Variants in PLCL2 observed in about 807,000 individuals in gnomAD.
The protein encoded by PLCL2 is phospholipase C like 2, also known as inactive phospholipase C-like protein 2.
A neutral mutation model predicts 79.6 loss-of-function variants in PLCL2; 4 were observed. The observed-to-expected ratio is 0.05, with a 90% CI of 0.02 to 0.11. PLCL2 has a LOEUF of 0.11. PLCL2 is among the 10% of genes least tolerant of loss of function. The probability of loss-of-function intolerance (pLI) is 1.00; values close to 1 mark genes in which losing one functional copy is unlikely to be tolerated. For missense variants in PLCL2, 895 were observed against 1,291.0 expected (o/e 0.69, Z 4.70); for synonymous variants, 484 against 457.7 (o/e 1.06, Z -0.73).
At chr3:17,086,604 C>T (rs963173860) in intron 5 of PLCL2, among the ~76,000 whole-genome samples, 2 of 152,182 alleles carry the variant, frequency 1.3e-5, no homozygotes, top group African/African-American at 4.8e-5. Context: ...AAATTTAAAA[C>T]TTCTGCTCTA....
chr3:17,073,889 C>T (rs576746567), intron 5 of PLCL2, among the ~76,000 whole-genome samples: 241 of 152,320 alleles, frequency 1.6e-3, no homozygotes, highest in Non-Finnish European at 2.7e-3. Flanking sequence ...TTCATTCCAT[C>T]TGCATTTACT....
chr3:17,022,730 G>A (rs1034617241), intron 3 of PLCL2, among the ~76,000 whole-genome samples: 1 of 152,126 alleles, frequency 6.6e-6, no homozygotes, highest in African/African-American at 2.4e-5. Flanking sequence ...TCTCATTTCT[G>A]TGGCCCTAAT....
intron 1 of PLCL2, among the ~76,000 whole-genome samples, chr3:16,907,235 A>C (rs1462281554): frequency 6.6e-6 from 1 of 152,186 alleles, no homozygotes; most frequent in Non-Finnish European, 1.5e-5. Context: ...TTTTCATGAT[A>C]GTCTAAAAAA....
At chr3:16,952,950 C>T (rs976977201) in intron 1 of PLCL2, among the ~76,000 whole-genome samples, 1 of 151,980 alleles carries the variant, frequency 6.6e-6, no homozygotes, top group African/African-American at 2.4e-5. Context: ...ATGAATTAAT[C>T]AGAAGTTCCT....
At position 17,015,060 on chromosome 3, in the gene PLCL2, G is replaced by A. The variant is rs1231216651; in HGVS notation, c.3018+149G>A. On this transcript the variant is annotated intron_variant, in intron 3 of 5. Coordinates refer to ENST00000615277, the MANE Select transcript of PLCL2 (RefSeq NM_001144382.2). ...CTGGAGAAGTAATTCCCCTGACCTT[G>A]CTGTATTTGAAAGAGATTAGTGTTT... The A allele has an allele frequency of 4.7e-6, 3 of 643,304 alleles. No individual in the cohort carries two copies. The African/African-American group carries it at 5.5e-5, about 12-fold the overall frequency. The allele number at this position is 643,304 out of a possible 1,614,324, so 39.8% of individuals were successfully genotyped here. A position where few individuals can be genotyped will look rare whatever the true frequency, so the allele number is the denominator to read the frequency against.
intron 1 of PLCL2, among the ~76,000 whole-genome samples, chr3:16,936,931 T>C (rs1697554117): frequency 6.6e-6 from 1 of 152,172 alleles, no homozygotes; most frequent in Non-Finnish European, 1.5e-5. Flanking sequence ...TCAGCCTCAG[T>C]ACTATGAACA....
intron 1 of PLCL2, among the ~76,000 whole-genome samples, chr3:16,960,298 C>T (rs1055022988): frequency 2.0e-5 from 3 of 152,160 alleles, no homozygotes; most frequent in Non-Finnish European, 4.4e-5. Flanking sequence ...TGTCAGCTCC[C>T]CCAGCACAGT....
intron 5 of PLCL2, among the ~76,000 whole-genome samples, chr3:17,076,003 T>C (rs893325993): frequency 6.6e-6 from 1 of 152,248 alleles, no homozygotes; most frequent in Non-Finnish European, 1.5e-5. Context: ...AGTCTTTGTA[T>C]GGACATGCTT....
chr3:16,979,870 G>C (rs1253673363), intron 1 of PLCL2, among the ~76,000 whole-genome samples: 1 of 150,672 alleles, frequency 6.6e-6, no homozygotes, highest in African/African-American at 2.4e-5. Flanking sequence ...CCCAGACGGG[G>C]TGGTGGCCGG....
chr3:16,946,953 CTTTTT>C (rs1056023349), intron 1 of PLCL2, among the ~76,000 whole-genome samples: 1 of 95,442 alleles, frequency 1.0e-5, no homozygotes, highest in African/African-American at 4.3e-5. Flanking sequence ...AAGTTTCATT[CTTTTT>C]TTTTTTTTTT....
At chr3:16,985,915 G>A (rs939398418) in intron 1 of PLCL2, among the ~76,000 whole-genome samples, 9 of 152,116 alleles carry the variant, frequency 5.9e-5, no homozygotes, top group Non-Finnish European at 1.0e-4. Context: ...CAGCCCCTTG[G>A]AGATACCAGG....
chr3:16,956,036 A>G (rs931678264), intron 1 of PLCL2, among the ~76,000 whole-genome samples: 2 of 152,140 alleles, frequency 1.3e-5, no homozygotes, highest in Non-Finnish European at 2.9e-5. Context: ...CTCCTGCCTA[A>G]TTGCCCTGGC....
At chr3:16,900,450 CTG>C (rs1407137884) in intron 1 of PLCL2, among the ~76,000 whole-genome samples, 4 of 152,146 alleles carry the variant, frequency 2.6e-5, no homozygotes, top group Admixed American at 1.3e-4. Context: ...CAGTTAAACT[CTG>C]TATCTCACCG....
intron 5 of PLCL2, among the ~76,000 whole-genome samples, chr3:17,075,045 T>G (rs893760256): frequency 3.3e-5 from 5 of 152,236 alleles, no homozygotes. Context: ...CTTGGATAAA[T>G]GTTTGGTGCA....
At chr3:17,068,727 A>G (rs1159470112) in intron 5 of PLCL2, among the ~76,000 whole-genome samples, 3 of 152,194 alleles carry the variant, frequency 2.0e-5, no homozygotes, top group South Asian at 2.1e-4. Context: ...AGAGACAATT[A>G]CTGTTGGCCT....
intron 1 of PLCL2, among the ~76,000 whole-genome samples, chr3:16,909,265 C>T (rs1696819996): frequency 6.6e-6 from 1 of 152,158 alleles, no homozygotes; most frequent in South Asian, 2.1e-4. Flanking sequence ...CAGGTTTTTG[C>T]TGTTACTTAA....
chr3:17,007,196 G>A (rs2064269902), intron 1 of PLCL2, among the ~76,000 whole-genome samples: 1 of 152,130 alleles, frequency 6.6e-6, no homozygotes, highest in African/African-American at 2.4e-5. Context: ...GCTCACACCT[G>A]TAATCCTAGC....
At chr3:16,947,980 A>G (rs907310156) in intron 1 of PLCL2, among the ~76,000 whole-genome samples, 1 of 152,236 alleles carries the variant, frequency 6.6e-6, no homozygotes, top group Non-Finnish European at 1.5e-5. Context: ...AAAGAAAAAC[A>G]TGTTTTAATT....
intron 1 of PLCL2, among the ~76,000 whole-genome samples, chr3:16,913,591 AAAAC>A (rs2124929500): frequency 6.6e-6 from 1 of 152,214 alleles, no homozygotes; most frequent in South Asian, 2.1e-4. Context: ...AATTTTAAGA[AAAAC>A]AAATATTTAC....
Sources: gnomAD v4.1 joint callset for allele counts (sites outside exome capture counted in the v4.1 genomes callset) on GRCh38, gnomAD v4.1.1 for gene constraint, MANE v1.5 for transcripts, NCBI Gene and HGNC (gene_info 2026-07-23, HGNC 2026-07-21) for gene names.